Variants in ANKRD30A observed in about 807,000 individuals in gnomAD.
The protein encoded by ANKRD30A is ankyrin repeat domain-containing protein 30A.
In ANKRD30A, 170 loss-of-function variants were observed where a neutral mutation model predicts 166.3. The observed-to-expected ratio is 1.02, with a 90% confidence interval of 0.90 to 1.16. The LOEUF is 1.16. Among genes scored for constraint, ANKRD30A ranks in the 50% most tolerant of loss-of-function variants. The probability of loss-of-function intolerance (pLI) is 0.00; values close to 1 mark genes in which losing one functional copy is unlikely to be tolerated. For missense variants in ANKRD30A, 1,630 were observed against 1,518.0 expected (o/e 1.07, Z -1.23); for synonymous variants, 564 against 508.9 (o/e 1.11, Z -1.46).
intron 7 of ANKRD30A, 137 bp from the exon 8 acceptor site, chr10:37,144,858 G>A: frequency 3.8e-6 from 2 of 531,918 alleles, no homozygotes; most frequent in Non-Finnish European, 6.4e-6. Context: ...AGAAGTGGTT[G>A]TGGTTATCTA....
the ANKRD30A span, among the ~76,000 whole-genome samples, chr10:37,256,655 G>C: frequency 6.6e-6 from 1 of 152,158 alleles, no homozygotes; most frequent in Non-Finnish European, 1.5e-5. Flanking sequence ...CAAAGAGATA[G>C]ACTAATCTGT....
chr10:37,161,382 T>G (rs1297670483), intron 15 of ANKRD30A, among the ~76,000 whole-genome samples: 1 of 152,190 alleles, frequency 6.6e-6, no homozygotes, highest in Admixed American at 6.5e-5. Context: ...AAAGGAAGTG[T>G]TGAACAAATA....
the ANKRD30A span, among the ~76,000 whole-genome samples, chr10:37,252,483 T>C: frequency 3.9e-5 from 6 of 152,320 alleles, no homozygotes; most frequent in Admixed American, 3.3e-4. Context: ...TGTTGGGTCA[T>C]ATTAGCTTAA....
At chr10:37,127,921 A>G (rs1836150880) in intron 1 of ANKRD30A, among the ~76,000 whole-genome samples, 1 of 152,146 alleles carries the variant, frequency 6.6e-6, no homozygotes, top group Non-Finnish European at 1.5e-5. Context: ...ATTTTTAGAA[A>G]ATAATGAAAC....
In ANKRD30A at chr10:37,166,077, CT is replaced by C. The variant is rs1564517080; in HGVS notation, c.2065-527del. Among the ~76,000 whole-genome samples, 5 of 152,186 alleles carry C rather than the reference CT, an allele frequency of 3.3e-5. No individual in the cohort carries two copies. The South Asian group carries it at 1.0e-3, about 32-fold the overall frequency. ...GAAACATGTTGCTTATTTTAAGCCCCTGTTTACCGAAAGAAAGCAGCTTTTT... is the reference window on the plus strand; with the variant it reads ...GAAACATGTTGCTTATTTTAAGCCCCGTTTACCGAAAGAAAGCAGCTTTTT... On this transcript the variant is annotated intron_variant, in intron 18 of 35. Transcript: ENST00000361713.
intron 9 of ANKRD30A, 70 bp downstream of exon 9, chr10:37,147,527 C>G (rs1837595675): frequency 1.0e-6 from 1 of 970,342 alleles, no homozygotes. Flanking sequence ...GACTGATATA[C>G]TCTAATAGCC....
chr10:37,249,738 G>A, the ANKRD30A span, among the ~76,000 whole-genome samples: 2 of 152,202 alleles, frequency 1.3e-5, no homozygotes, highest in Non-Finnish European at 2.9e-5. Flanking sequence ...AAGGGTGGAA[G>A]ATGGGGAAGT....
chr10:37,142,117 C>T lies in ANKRD30A; in HGVS notation c.1220C>T (p.Thr407Met), dbSNP rs200264724. Residue 407 changes from threonine to methionine, a missense_variant, in exon 7 of 36, where the codon ACG becomes ATG. Thr to Met is a moderately conservative substitution (Grantham distance 81). Around this residue, in one of 4 missense-constraint regions of ANKRD30A, gnomAD observed 904 missense variants for 818.5 expected, o/e 1.10. Coordinates refer to ENST00000361713, the MANE Select transcript of ANKRD30A (RefSeq NM_052997.3). ...GCAAAAGAAACATCTGAGAAATTTA[C>T]GTGGGCAGCAAAAGGAAGACCTAGG... is the stretch of plus-strand genomic sequence containing the variant. Reference protein sequence around the residue: ...SPAKETSEKFTWAAKGRPRKI... With the variant: ...SPAKETSEKFMWAAKGRPRKI... 1.7e-4 allele frequency: 282 copies of T among 1,613,258 alleles called. No homozygotes were observed. The highest frequency in any genetic ancestry group is 2.2e-4 in the Non-Finnish European group (264 of 1,179,856).
intron 31 of ANKRD30A, among the ~76,000 whole-genome samples, chr10:37,210,333 A>T (rs910584153): frequency 1.3e-5 from 2 of 152,142 alleles, no homozygotes; most frequent in South Asian, 2.1e-4. Flanking sequence ...TATGGTGTAT[A>T]TGTGCCACAT....
chr10:37,162,836 A>G lies in ANKRD30A; in HGVS notation c.1990A>G (p.Thr664Ala). The change falls in exon 17 of 36, where the codon ACA becomes GCA. Residue 664 changes from threonine to alanine, a missense_variant. By Grantham distance (58) the Thr-to-Ala change is moderately conservative (BLOSUM62 0). Transcript: ENST00000361713. ...AGCCTTGGAATTGAAAAATGAACAAACATTGAGAGCAGGTAAATTTTTCAA... is the reference window on the plus strand; with the variant it reads ...AGCCTTGGAATTGAAAAATGAACAAGCATTGAGAGCAGGTAAATTTTTCAA... ...NKALELKNEQ[T>A]LRADEILPSE... The G allele has an allele frequency of 1.9e-6, 3 of 1,613,536 alleles. No homozygotes were observed. The highest frequency in any genetic ancestry group is 2.5e-6 in the Non-Finnish European group (3 of 1,179,698).
intron 11 of ANKRD30A, among the ~76,000 whole-genome samples, chr10:37,150,404 A>G (rs1481836052): frequency 6.6e-6 from 1 of 151,720 alleles, no homozygotes; most frequent in Non-Finnish European, 1.5e-5. Flanking sequence ...GAGGAAAGTA[A>G]TTAGTCATTT....
intron 19 of ANKRD30A, among the ~76,000 whole-genome samples, chr10:37,167,034 G>A (rs1021026718): frequency 6.6e-6 from 1 of 152,092 alleles, no homozygotes; most frequent in African/African-American, 2.4e-5. Context: ...GCAGGTTTAT[G>A]TAATGGAGGA....
intron 25 of ANKRD30A, among the ~76,000 whole-genome samples, chr10:37,192,323 C>A (rs1034326602): frequency 6.6e-6 from 1 of 151,992 alleles, no homozygotes; most frequent in Non-Finnish European, 1.5e-5. Context: ...GAATTACAGG[C>A]ATGAGCCACT....
chr10:37,226,332 C>T (rs893253415), intron 34 of ANKRD30A, among the ~76,000 whole-genome samples: 1 of 138,414 alleles, frequency 7.2e-6, no homozygotes, highest in East Asian at 2.2e-4. Context: ...TTGTTCAGTT[C>T]CCACCTATGA....
chr10:37,146,229 C>T (rs1407117357), intron 8 of ANKRD30A, among the ~76,000 whole-genome samples: 1 of 152,252 alleles, frequency 6.6e-6, no homozygotes, highest in Non-Finnish European at 1.5e-5. Flanking sequence ...TTCCTTACTA[C>T]TTTTTCATTT....
At chr10:37,225,269 G>T (rs373081376) in intron 34 of ANKRD30A, among the ~76,000 whole-genome samples, 1 of 151,266 alleles carries the variant, frequency 6.6e-6, no homozygotes, top group African/African-American at 2.4e-5. Flanking sequence ...ACTATGTTAC[G>T]TCGAAACCAA....
chr10:37,165,679 C>T (rs1046383696), intron 18 of ANKRD30A, among the ~76,000 whole-genome samples: 1 of 151,954 alleles, frequency 6.6e-6, no homozygotes, highest in African/African-American at 2.4e-5. Context: ...AATAGGAAAC[C>T]TTGTGGGAGT....
chr10:37,192,767 G>A (rs1184175484), intron 25 of ANKRD30A, among the ~76,000 whole-genome samples: 4 of 151,870 alleles, frequency 2.6e-5, no homozygotes, highest in Admixed American at 6.6e-5. Context: ...TTATACGGCC[G>A]CTTTCTCTTA....
At chr10:37,148,638 A>G (rs1468146871) in intron 9 of ANKRD30A, among the ~76,000 whole-genome samples, 3 of 152,078 alleles carry the variant, frequency 2.0e-5, no homozygotes, top group Non-Finnish European at 4.4e-5. Context: ...GACACTCCAG[A>G]GACTACCAGA....
Sources: allele counts gnomAD v4.1 joint callset (sites outside exome capture counted in the v4.1 genomes callset), GRCh38; gene constraint gnomAD v4.1.1; regional missense constraint gnomAD v4.1.1; transcripts MANE v1.5; gene names NCBI Gene and HGNC (gene_info 2026-07-23, HGNC 2026-07-21).